The following UNC5C variants were observed in gnomAD, a reference collection of about 807,000 sequenced individuals.
UNC5C encodes unc-5 netrin receptor C.
UNC5C carries 47 observed loss-of-function variants against 99.8 expected under a neutral mutation model. That is an observed-to-expected ratio of 0.47 (90% confidence interval 0.37 to 0.60). UNC5C has a LOEUF of 0.60. UNC5C is among the 20% of genes least tolerant of loss of function. The pLI is 0.00. For missense variants in UNC5C, 1,062 were observed against 1,165.9 expected (o/e 0.91, Z 1.30); for synonymous variants, 487 against 452.2 (o/e 1.08, Z -0.98).
intron 12 of UNC5C, among the ~76,000 whole-genome samples, chr4:95,186,702 C>CAAT (rs1736845338): frequency 6.6e-6 from 1 of 152,122 alleles, no homozygotes; most frequent in African/African-American, 2.4e-5. Context: ...AGAGATGAGG[C>CAAT]AATAGCACAC....
chr4:95,359,697 G>A (rs1447065997), intron 1 of UNC5C, among the ~76,000 whole-genome samples: 2 of 152,058 alleles, frequency 1.3e-5, no homozygotes, highest in Admixed American at 6.6e-5. Flanking sequence ...AGGAATCTAG[G>A]TACCTCTGGC....
intron 3 of UNC5C, among the ~76,000 whole-genome samples, chr4:95,279,871 G>C (rs537710937): frequency 2.0e-5 from 3 of 152,156 alleles, no homozygotes; most frequent in Non-Finnish European, 4.4e-5. Context: ...GGCGGGGCAT[G>C]GGGGGGATGG....
At chr4:95,531,577 G>A (rs1722643708) in intron 1 of UNC5C, among the ~76,000 whole-genome samples, 1 of 152,172 alleles carries the variant, frequency 6.6e-6, no homozygotes, top group Admixed American at 6.5e-5. Context: ...ACCTTATAAT[G>A]ATACATTTCA....
intron 14 of UNC5C, 75 bp downstream of exon 14, chr4:95,182,822 C>T (rs540764028): frequency 1.3e-6 from 2 of 1,486,422 alleles, no homozygotes; most frequent in Non-Finnish European, 9.1e-7. Context: ...TGTTGAGATA[C>T]CCTTTTAGCC....
chr4:95,480,389 G>A (rs1415645351), intron 1 of UNC5C, among the ~76,000 whole-genome samples: 1 of 151,852 alleles, frequency 6.6e-6, no homozygotes. Flanking sequence ...TTAGGAAAGA[G>A]TTGTCTAAAA....
intron 12 of UNC5C, among the ~76,000 whole-genome samples, chr4:95,190,491 A>T (rs1258715918): frequency 6.6e-6 from 1 of 151,524 alleles, no homozygotes; most frequent in East Asian, 1.9e-4. Flanking sequence ...AAGTAGAATA[A>T]AAAAATTTTT....
intron 2 of UNC5C, among the ~76,000 whole-genome samples, chr4:95,330,213 C>T (rs901683394): frequency 5.9e-4 from 89 of 152,128 alleles, no homozygotes; most frequent in Admixed American, 8.5e-4. Flanking sequence ...CTTTTAACTT[C>T]TTTAGCATTA....
At chr4:95,224,612 A>G (rs1173142454) in intron 7 of UNC5C, among the ~76,000 whole-genome samples, 1 of 151,976 alleles carries the variant, frequency 6.6e-6, no homozygotes, top group African/African-American at 2.4e-5. Context: ...GAATTCATTC[A>G]TTCATTCATT....
intron 14 of UNC5C, among the ~76,000 whole-genome samples, chr4:95,179,428 A>C (rs1386954711): frequency 6.6e-6 from 1 of 152,222 alleles, no homozygotes; most frequent in African/African-American, 2.4e-5. Context: ...AATTGCTTTT[A>C]TTACCTATAA....
chr4:95,450,918 C>T (rs1330974014), intron 1 of UNC5C, among the ~76,000 whole-genome samples: 3 of 152,082 alleles, frequency 2.0e-5, no homozygotes, highest in East Asian at 1.9e-4. Context: ...CATAAGCATG[C>T]CCCAAAAGAC....
At chr4:95,458,902 C>T (rs1392675452) in intron 1 of UNC5C, among the ~76,000 whole-genome samples, 1 of 151,830 alleles carries the variant, frequency 6.6e-6, no homozygotes, top group Non-Finnish European at 1.5e-5. Flanking sequence ...TTAACTTACC[C>T]CAAGCCTTAT....
intron 1 of UNC5C, among the ~76,000 whole-genome samples, chr4:95,483,100 A>T (rs965531777): frequency 6.6e-6 from 1 of 150,632 alleles, no homozygotes; most frequent in Non-Finnish European, 1.5e-5. Flanking sequence ...CTTGTTTTCA[A>T]GACCTTCTGC....
intron 1 of UNC5C, among the ~76,000 whole-genome samples, chr4:95,544,429 C>T (rs1349725955): frequency 6.6e-6 from 1 of 152,092 alleles, no homozygotes; most frequent in Non-Finnish European, 1.5e-5. Flanking sequence ...ATTTTAGAAC[C>T]CCCCACCCAC....
intron 12 of UNC5C, among the ~76,000 whole-genome samples, chr4:95,194,574 C>T (rs1271229147): frequency 4.6e-5 from 7 of 152,090 alleles, no homozygotes; most frequent in Non-Finnish European, 8.8e-5. Context: ...GGTCCCCTTC[C>T]GCTGTCTTCA....
intron 3 of UNC5C, among the ~76,000 whole-genome samples, chr4:95,288,352 G>T (rs1317442851): frequency 3.3e-5 from 5 of 152,030 alleles, no homozygotes; most frequent in Non-Finnish European, 7.3e-5. Flanking sequence ...CAAACTGCTG[G>T]GATTACAGGC....
At chr4:95,273,800 C>T (rs1376415810) in intron 4 of UNC5C, among the ~76,000 whole-genome samples, 2 of 152,180 alleles carry the variant, frequency 1.3e-5, no homozygotes, top group Admixed American at 6.5e-5. Context: ...GTGTCTCCCA[C>T]TCCCAGTGGC....
intron 1 of UNC5C, among the ~76,000 whole-genome samples, chr4:95,468,946 C>T (rs1747882608): frequency 6.6e-6 from 1 of 152,148 alleles, no homozygotes; most frequent in Non-Finnish European, 1.5e-5. Context: ...AAGGGGTTCT[C>T]TTTGCTCAGG....
chr4:95,190,494 A>C (rs1182665268), intron 12 of UNC5C, among the ~76,000 whole-genome samples: 2 of 152,142 alleles, frequency 1.3e-5, no homozygotes, highest in African/African-American at 2.4e-5. Context: ...TAGAATAAAA[A>C]AATTTTTTTT....
At chr4:95,487,923 T>C (rs1410481202) in intron 1 of UNC5C, among the ~76,000 whole-genome samples, 1 of 151,760 alleles carries the variant, frequency 6.6e-6, no homozygotes, top group Non-Finnish European at 1.5e-5. Flanking sequence ...TTTAGGCTCG[T>C]CTTTTTAATT....
Sources: allele counts gnomAD v4.1 joint callset (sites outside exome capture counted in the v4.1 genomes callset), GRCh38; gene constraint gnomAD v4.1.1; transcripts MANE v1.5; gene names NCBI Gene and HGNC (gene_info 2026-07-23, HGNC 2026-07-21).